DTWD1: variants seen among roughly 807,000 people sequenced by gnomAD.
The protein encoded by DTWD1 is tRNA-uridine aminocarboxypropyltransferase 1.
DTWD1 carries 27 observed loss-of-function variants against 30.2 expected under a neutral mutation model. That is an observed-to-expected ratio of 0.90 (90% CI 0.66 to 1.23). The LOEUF is 1.23. DTWD1 is among the 50% of genes most tolerant of loss of function. The pLI, the probability that DTWD1 is intolerant of heterozygous loss-of-function variation, is 0.00. For synonymous variants in DTWD1, 99 were observed against 113.1 expected (o/e 0.88, Z 0.79); for missense variants, 342 against 348.8 (o/e 0.98, Z 0.15).
At chr15:49,638,501 G>T (rs189535064) in intron 4 of DTWD1, among the ~76,000 whole-genome samples, 69 of 152,206 alleles carry the variant, frequency 4.5e-4, no homozygotes, top group Non-Finnish European at 7.5e-4. Flanking sequence ...AACAATTAGG[G>T]CTCTATACAT....
At chr15:49,628,909 T>C (rs1476327622) in intron 2 of DTWD1, among the ~76,000 whole-genome samples, 1 of 152,170 alleles carries the variant, frequency 6.6e-6, no homozygotes, top group African/African-American at 2.4e-5. Context: ...GTTTGTTACA[T>C]TGATACACAT....
chr15:49,642,769 T>TA (rs2079080533), intron 4 of DTWD1, among the ~76,000 whole-genome samples: 1 of 151,734 alleles, frequency 6.6e-6, no homozygotes, highest in African/African-American at 2.4e-5. Context: ...AAAATAAAAA[T>TA]AAAAAATCTT....
intron 2 of DTWD1, 113 bp from the exon 3 acceptor site, chr15:49,632,046 C>G: frequency 2.1e-6 from 2 of 942,420 alleles, no homozygotes; most frequent in Non-Finnish European, 3.2e-6. Context: ...AAACCATATG[C>G]ATATTTATAG....
At chr15:49,630,968 C>T (rs1377011907) in intron 2 of DTWD1, 5 of 445,938 alleles carry the variant, frequency 1.1e-5, no homozygotes, top group Non-Finnish European at 4.5e-6. Context: ...GAATCCAATG[C>T]CTGAAGATCT....
At chr15:49,623,850 G>A (rs2078802859) in intron 1 of DTWD1, 1 of 152,138 alleles carries the variant, frequency 6.6e-6, no homozygotes, top group Non-Finnish European at 1.5e-5. Flanking sequence ...TTGTGAGGCA[G>A]GAACAAGGGA....
intron 4 of DTWD1, among the ~76,000 whole-genome samples, chr15:49,635,701 C>T (rs1324607693): frequency 1.3e-5 from 2 of 151,996 alleles, no homozygotes; most frequent in Admixed American, 1.3e-4. Context: ...ACCATATTGG[C>T]CAGGCTGGTC....
rs1238422065 is a variant in DTWD1, at chr15:49,645,771, A to G, written c.*2193A>G. On this transcript the variant is annotated 3_prime_UTR_variant, in exon 5 of 5. Transcript: ENST00000403028. ...GACCCACGTACTTCATAAGAGCCTA[A>G]TTTACAGCTAAGGCCAGATAAAATC... 2 of 152,168 alleles carry G rather than the reference A, an allele frequency of 1.3e-5. No homozygotes were observed. Among genetic ancestry groups the G allele is most frequent in the Non-Finnish European group, 2.9e-5 (2 of 68,014 alleles). The allele number at this position is 152,168 out of a possible 1,614,324, so 9.4% of individuals were successfully genotyped here.
chr15:49,621,934 A>G (rs1224712316), intron 1 of DTWD1, among the ~76,000 whole-genome samples: 4 of 152,202 alleles, frequency 2.6e-5, no homozygotes, highest in Non-Finnish European at 4.4e-5. Flanking sequence ...GGTCCACAAT[A>G]TAGGACAGGG....
At chr15:49,621,829 T>C (rs1000512225) in intron 1 of DTWD1, among the ~76,000 whole-genome samples, 4 of 152,166 alleles carry the variant, frequency 2.6e-5, no homozygotes, top group Non-Finnish European at 4.4e-5. Context: ...CCTTGGATTA[T>C]GAAAAATGAA....
chr15:49,635,801 C>T (rs1199271547), intron 4 of DTWD1, among the ~76,000 whole-genome samples: 1 of 152,076 alleles, frequency 6.6e-6, no homozygotes, highest in African/African-American at 2.4e-5. Context: ...GCCTTCCTTA[C>T]AGTTTTTAAA....
chr15:49,624,878 A>G (rs906021080), intron 1 of DTWD1, among the ~76,000 whole-genome samples: 1 of 152,218 alleles, frequency 6.6e-6, no homozygotes, highest in African/African-American at 2.4e-5. Context: ...CTCTGGAACA[A>G]AAAAGGGTTC....
At position 49,650,557 on chromosome 15, in the gene DTWD1, C is replaced by T. The variant is rs1379267861; in HGVS notation, c.*6979C>T. On this transcript the variant is annotated 3_prime_UTR_variant, in exon 5 of 5. Transcript: ENST00000403028. ...TATGAAAATGTGCTGCCTATATCCCCCTTCTAGGAAGGACTTGCTAATTAG... is the reference window on the plus strand; with the variant it reads ...TATGAAAATGTGCTGCCTATATCCCTCTTCTAGGAAGGACTTGCTAATTAG... 2.6e-5 allele frequency: 4 copies of T among 152,062 alleles called. No individual in the cohort carries two copies. In the East Asian group the frequency reaches 5.8e-4, roughly 22 times the overall value. The allele number at this position is 152,062 out of a possible 1,614,324, so 9.4% of individuals were successfully genotyped here. A position where few individuals can be genotyped will look rare whatever the true frequency, so the allele number is the denominator to read the frequency against.
At chr15:49,638,617 A>G (rs920902740) in intron 4 of DTWD1, among the ~76,000 whole-genome samples, 20 of 152,156 alleles carry the variant, frequency 1.3e-4, no homozygotes, top group African/African-American at 4.8e-4. Context: ...AGGCTTTAAA[A>G]CTTCGTCATT....
chr15:49,623,267 A>G lies in DTWD1; in HGVS notation c.-55-1846A>G, dbSNP rs2078792899. On this transcript the variant is annotated intron_variant, in intron 1 of 4. Transcript: ENST00000403028. ...CCCATCATCTGAATAACTCAGGACT[A>G]TTAAAGCCTCAAAATGTTTCTCTGT... Among the ~76,000 whole-genome samples the G allele has an allele frequency of 2.0e-5, 3 of 152,212 alleles. 1 individual carries two copies. Among genetic ancestry groups the G allele is most frequent in the South Asian group, 4.1e-4 (2 of 4,824 alleles).
chr15:49,643,271 A>G (rs2079086137), intron 4 of DTWD1, 60 bp from the exon 5 acceptor site: 6 of 1,440,860 alleles, frequency 4.2e-6, no homozygotes, highest in Non-Finnish European at 5.5e-6. Context: ...GCCTGTGGTT[A>G]AGAAGAAATA....
chr15:49,634,290 G>C (rs983622553), intron 3 of DTWD1, among the ~76,000 whole-genome samples: 3 of 151,840 alleles, frequency 2.0e-5, no homozygotes, highest in African/African-American at 7.3e-5. Flanking sequence ...GACTAACTTG[G>C]CATCTATCAG....
intron 4 of DTWD1, among the ~76,000 whole-genome samples, chr15:49,635,863 G>A (rs1424658939): frequency 6.6e-6 from 1 of 152,036 alleles, no homozygotes; most frequent in Non-Finnish European, 1.5e-5. Context: ...TGTTTCCAGA[G>A]TATTAAAGTT....
chr15:49,642,084 A>G (rs1429504854), intron 4 of DTWD1, among the ~76,000 whole-genome samples: 1 of 151,872 alleles, frequency 6.6e-6, no homozygotes, highest in Admixed American at 6.6e-5. Flanking sequence ...GATCCTCCAT[A>G]TCTCTGAATA....
intron 2 of DTWD1, among the ~76,000 whole-genome samples, chr15:49,628,468 T>G (rs2078874385): frequency 6.6e-6 from 1 of 152,232 alleles, no homozygotes; most frequent in Admixed American, 6.5e-5. Context: ...TACATCAGCA[T>G]CATCACAAGC....
Sources: gnomAD v4.1 joint callset for allele counts (sites outside exome capture counted in the v4.1 genomes callset) on GRCh38, gnomAD v4.1.1 for gene constraint, MANE v1.5 for transcripts, NCBI Gene and HGNC (gene_info 2026-07-23, HGNC 2026-07-21) for gene names.